The following WDR7 variants were observed in gnomAD, a reference collection of about 807,000 sequenced individuals.
The protein encoded by WDR7 is WD repeat-containing protein 7.
WDR7 carries 46 observed loss-of-function variants against 169.4 expected under a neutral mutation model. The observed-to-expected ratio is 0.27, with a 90% CI of 0.21 to 0.35. The LOEUF is 0.35. Among genes scored for constraint, WDR7 ranks in the 10% least tolerant of loss-of-function variants. The pLI is 1.00. For synonymous variants in WDR7, 612 were observed against 666.8 expected (o/e 0.92, Z 1.27); for missense variants, 1,534 against 1,859.3 (o/e 0.83, Z 3.22).
At chr18:56,954,674 T>C (rs2047227810) in intron 25 of WDR7, among the ~76,000 whole-genome samples, 1 of 152,154 alleles carries the variant, frequency 6.6e-6, no homozygotes, top group South Asian at 2.1e-4. Flanking sequence ...ATAAATCATC[T>C]GTGTTTCTCT....
intron 24 of WDR7, among the ~76,000 whole-genome samples, chr18:56,939,023 TATATA>T (rs2046998915): frequency 6.6e-6 from 1 of 152,156 alleles, no homozygotes; most frequent in African/African-American, 2.4e-5. Flanking sequence ...ATAAATAAAA[TATATA>T]ATGTGTTGAA....
chr18:56,744,669 C>T, intron 14 of WDR7, among the ~76,000 whole-genome samples: 1 of 152,098 alleles, frequency 6.6e-6, no homozygotes, highest in East Asian at 1.9e-4. Context: ...CACCTGAAAT[C>T]ACCTAGGGAT....
chr18:56,989,111 A>G (rs1273865122), intron 26 of WDR7, among the ~76,000 whole-genome samples: 2 of 151,722 alleles, frequency 1.3e-5, no homozygotes. Context: ...TGAGAATACC[A>G]TGGCTAATTT....
intron 19 of WDR7, among the ~76,000 whole-genome samples, chr18:56,792,192 T>A (rs12457527): frequency 0.96 from 146,205 of 152,024 alleles, 70,580 homozygotes; most frequent in East Asian, 1. Context: ...TAATTTAAAA[T>A]TTTTTCTTTC....
At chr18:56,794,892 A>G (rs2044557068) in intron 19 of WDR7, among the ~76,000 whole-genome samples, 2 of 152,130 alleles carry the variant, frequency 1.3e-5, no homozygotes, top group African/African-American at 2.4e-5. Flanking sequence ...ATTTATTTGT[A>G]GAATAAATTA....
intron 19 of WDR7, among the ~76,000 whole-genome samples, chr18:56,792,925 T>G (rs1449169039): frequency 1.3e-5 from 2 of 152,176 alleles, no homozygotes; most frequent in African/African-American, 4.8e-5. Flanking sequence ...TCTCTGTAAC[T>G]CCTTTGGTTC....
intron 26 of WDR7, among the ~76,000 whole-genome samples, chr18:57,019,674 TATGTA>T (rs1195295859): frequency 6.6e-6 from 1 of 152,168 alleles, no homozygotes; most frequent in Non-Finnish European, 1.5e-5. Flanking sequence ...GGCATTCAGA[TATGTA>T]ATATGAAAAA....
At chr18:56,914,282 G>C (rs1432045029) in intron 21 of WDR7, among the ~76,000 whole-genome samples, 2 of 152,146 alleles carry the variant, frequency 1.3e-5, no homozygotes, top group East Asian at 1.9e-4. Flanking sequence ...TTCCCTGTCT[G>C]TCACTTTCTA....
chr18:56,999,395 G>A (rs1257875892), intron 26 of WDR7, among the ~76,000 whole-genome samples: 1 of 152,174 alleles, frequency 6.6e-6, no homozygotes, highest in Non-Finnish European at 1.5e-5. Context: ...AAATATATAT[G>A]AAGTAGTGAT....
chr18:56,830,938 C>T (rs963769496), intron 20 of WDR7, among the ~76,000 whole-genome samples: 1 of 152,242 alleles, frequency 6.6e-6, no homozygotes, highest in East Asian at 1.9e-4. Context: ...AACTCCTGAC[C>T]TCCTCTAGCA....
At chr18:56,758,671 A>G (rs1282621961) in intron 15 of WDR7, among the ~76,000 whole-genome samples, 194 bp from the exon 16 acceptor site, 2 of 152,224 alleles carry the variant, frequency 1.3e-5, no homozygotes, top group East Asian at 3.8e-4. Context: ...TTACTTGCTA[A>G]TCATTTACTC....
chr18:56,827,694 G>A lies in WDR7; in HGVS notation c.3304+11550G>A, dbSNP rs75216519. 7.0e-3 allele frequency among the ~76,000 whole-genome samples: 1,066 copies of A among 152,210 alleles called. 16 individuals carry two copies. The highest frequency in any genetic ancestry group is 0.024 in the African/African-American group (1,002 of 41,540). The stretch of plus-strand genomic sequence containing the variant: ...AATTTAGTTGTACATTTAAAGATAA[G>A]TAAAAGAGTGTAATTGGATTGTTGA... On this transcript the variant is annotated intron_variant, in intron 20 of 27. Transcript: ENST00000254442.
intron 18 of WDR7, among the ~76,000 whole-genome samples, chr18:56,780,358 A>AT (rs1483500659): frequency 1.3e-5 from 2 of 152,212 alleles, no homozygotes; most frequent in Non-Finnish European, 2.9e-5. Context: ...GAGTAATATA[A>AT]TTGCTTCTTT....
At chr18:56,955,665 A>T (rs2047241060) in intron 25 of WDR7, among the ~76,000 whole-genome samples, 1 of 151,880 alleles carries the variant, frequency 6.6e-6, no homozygotes, top group Non-Finnish European at 1.5e-5. Flanking sequence ...GATGATGATG[A>T]TGATGATGAT....
chr18:57,010,209 A>T (rs1333606447), intron 26 of WDR7: 7 of 985,338 alleles, frequency 7.1e-6, no homozygotes, highest in Non-Finnish European at 8.4e-6. Context: ...ACTGAAAAAA[A>T]CATTTAGCTT....
At chr18:56,826,579 A>G (rs1407039358) in intron 20 of WDR7, among the ~76,000 whole-genome samples, 1 of 152,210 alleles carries the variant, frequency 6.6e-6, no homozygotes, top group Non-Finnish European at 1.5e-5. Flanking sequence ...TTTGAAGTGA[A>G]GATAGCCATA....
intron 21 of WDR7, among the ~76,000 whole-genome samples, chr18:56,911,474 G>A (rs1240992645): frequency 6.6e-6 from 1 of 152,152 alleles, no homozygotes. Flanking sequence ...TAAAGTGCTT[G>A]TATTGAGAAT....
intron 16 of WDR7, among the ~76,000 whole-genome samples, chr18:56,769,839 T>C (rs905091321): frequency 8.5e-5 from 13 of 152,202 alleles, no homozygotes; most frequent in Non-Finnish European, 1.8e-4. Flanking sequence ...AAATAAACAG[T>C]ACTTAACATA....
At chr18:56,667,084 A>G (rs1298718166) in intron 1 of WDR7, among the ~76,000 whole-genome samples, 1 of 152,094 alleles carries the variant, frequency 6.6e-6, no homozygotes, top group Non-Finnish European at 1.5e-5. Context: ...TTTTATGAAA[A>G]TACTTTCTGA....
Sources: allele counts gnomAD v4.1 joint callset (sites outside exome capture counted in the v4.1 genomes callset), GRCh38; gene constraint gnomAD v4.1.1; transcripts MANE v1.5; gene names NCBI Gene and HGNC (gene_info 2026-07-23, HGNC 2026-07-21).